SLC26A7: variants seen among roughly 807,000 people sequenced by gnomAD.
SLC26A7 encodes the protein anion exchange transporter.
In SLC26A7, 59 loss-of-function variants were observed where a neutral mutation model predicts 82.5. That is an observed-to-expected ratio of 0.72 (90% CI 0.58 to 0.89). The LOEUF is 0.89. Ranked by LOEUF, SLC26A7 falls within the 40% of genes least tolerant of loss-of-function variation. The pLI is 0.00. For synonymous variants in SLC26A7, 271 were observed against 274.3 expected, an observed-to-expected ratio of 0.99 and a Z score of 0.12; for missense variants, 820 against 793.0, an observed-to-expected ratio of 1.03 and a Z score of -0.41.
At chr8:91,266,619 A>T (rs1189398196) in intron 2 of SLC26A7, among the ~76,000 whole-genome samples, 1 of 151,842 alleles carries the variant, frequency 6.6e-6, no homozygotes, top group Admixed American at 6.6e-5. Context: ...GAATTCATTT[A>T]TTAGTTCTAA....
At chr8:91,374,301 G>T (rs931160561) in intron 15 of SLC26A7, among the ~76,000 whole-genome samples, 2 of 150,440 alleles carry the variant, frequency 1.3e-5, no homozygotes, top group Non-Finnish European at 3.0e-5. Context: ...TAGTTCCTTT[G>T]GGTATGATGT....
At chr8:91,277,809 G>A (rs1811445647) in intron 2 of SLC26A7, among the ~76,000 whole-genome samples, 3 of 151,948 alleles carry the variant, frequency 2.0e-5, no homozygotes, top group South Asian at 4.2e-4. Flanking sequence ...ATATTTTAAT[G>A]TATCAATATT....
intron 12 of SLC26A7, among the ~76,000 whole-genome samples, chr8:91,363,180 A>G (rs1814097085): frequency 6.6e-6 from 1 of 152,060 alleles, no homozygotes; most frequent in South Asian, 2.1e-4. Flanking sequence ...ACAATATTTT[A>G]TCAATACTGC....
chr8:91,294,041 C>G (rs1370501070), intron 3 of SLC26A7, among the ~76,000 whole-genome samples: 1 of 152,110 alleles, frequency 6.6e-6, no homozygotes, highest in African/African-American at 2.4e-5. Context: ...GGACAGTGGT[C>G]ATGATTTATT....
chr8:91,211,778 C>T (rs1224661343), intron 1 of SLC26A7, among the ~76,000 whole-genome samples: 1 of 151,440 alleles, frequency 6.6e-6, no homozygotes, highest in Non-Finnish European at 1.5e-5. Flanking sequence ...GTCTAGTTGC[C>T]CCTGTTGTGC....
intron 2 of SLC26A7, among the ~76,000 whole-genome samples, chr8:91,238,205 C>T (rs913357437): frequency 4.6e-5 from 7 of 152,032 alleles, no homozygotes; most frequent in African/African-American, 1.4e-4. Context: ...CATTATATTC[C>T]TTTTTTATTT....
chr8:91,238,566 C>T (rs909497367), intron 2 of SLC26A7, among the ~76,000 whole-genome samples: 5 of 148,716 alleles, frequency 3.4e-5, no homozygotes, highest in African/African-American at 9.8e-5. Flanking sequence ...TATATATATA[C>T]ACACACACAT....
At position 91,225,643 on chromosome 8, in the gene SLC26A7, G is replaced by GTTTTTT. The variant is rs55732709; in HGVS notation, c.-34+6665_-34+6670dup. ...TCTTGGCCCTGCCCCCTAGAAAAGT[G>GTTTTTT]TTTTTTTTTTTTTTTTTTTTTTTTT... is the stretch of plus-strand genomic sequence containing the variant. On this transcript the variant is annotated intron_variant, in intron 2 of 5. Transcript: ENST00000522862. Among the ~76,000 whole-genome samples the GTTTTTT allele has an allele frequency of 5.1e-3, 185 of 36,134 alleles. 15 individuals are homozygous for GTTTTTT. Among genetic ancestry groups the GTTTTTT allele is most frequent in the African/African-American group, 0.011 (88 of 8,178 alleles). 23.7% of individuals were successfully genotyped at this position (36,134 alleles called of 152,430 possible). A position where few individuals can be genotyped will look rare whatever the true frequency, so the allele number is the denominator to read the frequency against.
intron 8 of SLC26A7, 36 bp downstream of exon 8, chr8:91,340,587 G>T: frequency 4.3e-6 from 7 of 1,612,246 alleles, no homozygotes; most frequent in Non-Finnish European, 5.1e-6. Flanking sequence ...CACTCCAGTT[G>T]TATCATTGCA....
At chr8:91,241,401 AC>A in intron 2 of SLC26A7, among the ~76,000 whole-genome samples, 1 of 152,276 alleles carries the variant, frequency 6.6e-6, no homozygotes, top group Non-Finnish European at 1.5e-5. Flanking sequence ...CTTTTAAAAC[AC>A]TTTTCTATAC....
intron 5 of SLC26A7, among the ~76,000 whole-genome samples, chr8:91,321,418 G>A (rs78094118): frequency 6.6e-6 from 1 of 152,180 alleles, no homozygotes. Flanking sequence ...TGGTTGGGCC[G>A]CTCTTTCTCT....
chr8:91,340,721 A>T, intron 8 of SLC26A7, 170 bp downstream of exon 8: 1 of 723,126 alleles, frequency 1.4e-6, no homozygotes, highest in Non-Finnish European at 2.2e-6. Flanking sequence ...GAAGCTAAAA[A>T]CCTGACATTG....
chr8:91,305,057 A>AT (rs1812265975), intron 4 of SLC26A7, among the ~76,000 whole-genome samples: 1 of 152,068 alleles, frequency 6.6e-6, no homozygotes, highest in Non-Finnish European at 1.5e-5. Context: ...ACCAGGAAAT[A>AT]TTTTTTACAC....
chr8:91,277,150 G>A (rs1365249111), intron 2 of SLC26A7, among the ~76,000 whole-genome samples: 2 of 152,062 alleles, frequency 1.3e-5, no homozygotes, highest in African/African-American at 4.8e-5. Context: ...GCACCCTCAG[G>A]AACCCCTCTT....
At chr8:91,279,125 GTA>G (rs55869816) in intron 2 of SLC26A7, among the ~76,000 whole-genome samples, 5,910 of 110,604 alleles carry the variant, frequency 0.053, 111 homozygotes, top group Non-Finnish European at 0.059. Context: ...GTGTGTGTGT[GTA>G]TATATATATA....
chr8:91,357,350 G>A (rs1249676265), intron 11 of SLC26A7: 2 of 152,134 alleles, frequency 1.3e-5, no homozygotes, highest in Non-Finnish European at 2.9e-5. Flanking sequence ...ATATTTTGTA[G>A]TGAGAAGTTT....
intron 2 of SLC26A7, among the ~76,000 whole-genome samples, chr8:91,240,603 G>A (rs1003400652): frequency 1.3e-5 from 2 of 151,880 alleles, no homozygotes; most frequent in Non-Finnish European, 2.9e-5. Context: ...AGTTATACTT[G>A]GGCATTCAAT....
intron 3 of SLC26A7, among the ~76,000 whole-genome samples, chr8:91,289,529 C>T (rs1025097841): frequency 4.6e-5 from 7 of 152,070 alleles, no homozygotes; most frequent in African/African-American, 1.7e-4. Context: ...CCTGTAGTCC[C>T]AGCTACTCGG....
intron 2 of SLC26A7, among the ~76,000 whole-genome samples, chr8:91,235,873 G>T (rs922949682): frequency 6.6e-6 from 1 of 152,126 alleles, no homozygotes; most frequent in Admixed American, 6.5e-5. Flanking sequence ...ATAACAAATA[G>T]ATTAAATGGG....
Sources: allele counts gnomAD v4.1 joint callset (sites outside exome capture counted in the v4.1 genomes callset), GRCh38; gene constraint gnomAD v4.1.1; transcripts MANE v1.5; gene names NCBI Gene and HGNC (gene_info 2026-07-23, HGNC 2026-07-21).